Variants in TMEM117 observed in about 807,000 individuals in gnomAD.
TMEM117 encodes the protein transmembrane protein 117.
Under a neutral mutation model 52.4 loss-of-function variants are expected in TMEM117, and 27 were observed. That is an observed-to-expected ratio of 0.51 (90% CI 0.38 to 0.71). TMEM117 has a LOEUF of 0.71. Ranked by LOEUF, TMEM117 falls within the 30% of genes least tolerant of loss-of-function variation. TMEM117 has a pLI of 0.00. For missense variants in TMEM117, 556 were observed against 630.5 expected (o/e 0.88, Z 1.26); for synonymous variants, 215 against 206.3 (o/e 1.04, Z -0.36).
At chr12:44,297,315 G>A (rs967089214) in intron 5 of TMEM117, among the ~76,000 whole-genome samples, 1 of 152,062 alleles carries the variant, frequency 6.6e-6, no homozygotes, top group Non-Finnish European at 1.5e-5. Context: ...TACTAAAGGG[G>A]GTTCCAGGTG....
At chr12:44,156,820 C>T (rs1478637162) in intron 4 of TMEM117, among the ~76,000 whole-genome samples, 2 of 152,018 alleles carry the variant, frequency 1.3e-5, no homozygotes, top group African/African-American at 4.8e-5. Flanking sequence ...ACCCCAAGGG[C>T]CTGTACATTG....
chr12:44,334,710 G>A (rs971023063), intron 6 of TMEM117, among the ~76,000 whole-genome samples: 11 of 151,934 alleles, frequency 7.2e-5, no homozygotes, highest in South Asian at 2.1e-4. Flanking sequence ...GATGTAGGAC[G>A]GAATCCTCCA....
intron 2 of TMEM117, among the ~76,000 whole-genome samples, chr12:43,940,386 G>T (rs186135046): frequency 2.0e-5 from 3 of 152,252 alleles, no homozygotes; most frequent in Non-Finnish European, 4.4e-5. Flanking sequence ...AATTTAAAAA[G>T]TCTAGCAGTG....
intron 4 of TMEM117, among the ~76,000 whole-genome samples, chr12:44,157,082 C>G (rs1291502129): frequency 6.6e-6 from 1 of 152,108 alleles, no homozygotes; most frequent in Non-Finnish European, 1.5e-5. Flanking sequence ...CACTGCCAGC[C>G]CACCGCTTTC....
chr12:44,299,509 A>T, intron 5 of TMEM117, 71 bp from the exon 6 acceptor site: 1 of 1,552,512 alleles, frequency 6.4e-7, no homozygotes, highest in Admixed American at 1.8e-5. Flanking sequence ...AATACAACAC[A>T]GATAACATGC....
intron 2 of TMEM117, among the ~76,000 whole-genome samples, chr12:43,901,319 T>G (rs1036567788): frequency 6.6e-6 from 1 of 152,152 alleles, no homozygotes; most frequent in African/African-American, 2.4e-5. Flanking sequence ...TTTTGGTTTT[T>G]TTTGTTTTTG....
rs571895411 is a variant in TMEM117 at position 44,383,100 on chromosome 12, C to T, written c.899-4926C>T. 2.3e-3 allele frequency among the ~76,000 whole-genome samples: 354 copies of T among 152,290 alleles called. 4 individuals carry two copies. The South Asian group carries it at 0.036, about 15-fold the overall frequency. ...GCTGAATGACTTTGGGGAGCGTAAC[C>T]ACATCCATACACCTGCACTAGATGT... On this transcript the variant is annotated intron_variant, in intron 7 of 7. Coordinates refer to ENST00000266534, the MANE Select transcript of TMEM117 (RefSeq NM_032256.3).
At chr12:43,998,241 C>A (rs149231865) in intron 3 of TMEM117, among the ~76,000 whole-genome samples, 2 of 152,244 alleles carry the variant, frequency 1.3e-5, no homozygotes, top group South Asian at 4.1e-4. Flanking sequence ...CAAAATCATC[C>A]AGACATTGGT....
chr12:44,050,015 C>T (rs1468775694), intron 3 of TMEM117, among the ~76,000 whole-genome samples: 3 of 152,100 alleles, frequency 2.0e-5, no homozygotes, highest in Non-Finnish European at 4.4e-5. Flanking sequence ...GATCAAGGGA[C>T]AGATAAGGCA....
chr12:43,853,127 C>T (rs1218734460), intron 2 of TMEM117, among the ~76,000 whole-genome samples: 2 of 152,194 alleles, frequency 1.3e-5, no homozygotes, highest in Admixed American at 6.5e-5. Context: ...CCCAGCTATA[C>T]CCGAAACTCT....
chr12:44,239,499 G>T (rs777669919), intron 5 of TMEM117, among the ~76,000 whole-genome samples: 1 of 152,078 alleles, frequency 6.6e-6, no homozygotes, highest in East Asian at 1.9e-4. Flanking sequence ...TGTTATTTTT[G>T]TATGCCTTTC....
chr12:44,101,816 T>C (rs1947865905), intron 3 of TMEM117, among the ~76,000 whole-genome samples: 1 of 152,058 alleles, frequency 6.6e-6, no homozygotes, highest in African/African-American at 2.4e-5. Context: ...CTCCTTTCTC[T>C]GTCTAGCAAT....
intron 5 of TMEM117, among the ~76,000 whole-genome samples, chr12:44,297,387 C>T (rs1950782142): frequency 6.6e-6 from 1 of 152,164 alleles, no homozygotes; most frequent in African/African-American, 2.4e-5. Context: ...AGAATAGACA[C>T]TGGCTATAGA....
At chr12:44,294,551 G>C (rs1371439142) in intron 5 of TMEM117, among the ~76,000 whole-genome samples, 1 of 152,126 alleles carries the variant, frequency 6.6e-6, no homozygotes, top group Non-Finnish European at 1.5e-5. Flanking sequence ...GGGAAACTCA[G>C]CATACCATTT....
chr12:43,805,800 T>C, the TMEM117 span: 1 of 1,361,982 alleles, frequency 7.3e-7, no homozygotes, highest in African/African-American at 1.5e-5. Flanking sequence ...CCTGTAATAT[T>C]CTCCTTTGGA....
intron 1 of TMEM117, among the ~76,000 whole-genome samples, chr12:43,840,314 T>G (rs890803254): frequency 6.6e-6 from 1 of 152,218 alleles, no homozygotes; most frequent in African/African-American, 2.4e-5. Flanking sequence ...TTCATTGGGT[T>G]GCTATGAAAT....
intron 5 of TMEM117, among the ~76,000 whole-genome samples, chr12:44,288,641 A>G (rs1395895073): frequency 6.6e-6 from 1 of 152,194 alleles, no homozygotes; most frequent in Non-Finnish European, 1.5e-5. Flanking sequence ...TTATCAAATT[A>G]TAAAAAAGTT....
chr12:44,374,680 A>G (rs1447102697), intron 6 of TMEM117, among the ~76,000 whole-genome samples: 1 of 150,676 alleles, frequency 6.6e-6, no homozygotes, highest in African/African-American at 2.4e-5. Flanking sequence ...GATTTTTATC[A>G]TAGTCTACAA....
At chr12:43,885,702 G>A (rs544198683) in intron 2 of TMEM117, among the ~76,000 whole-genome samples, 29 of 151,858 alleles carry the variant, frequency 1.9e-4, no homozygotes, top group African/African-American at 6.5e-4. Flanking sequence ...TAACCTTAGC[G>A]TGTGAGACAA....
Sources: gnomAD v4.1 joint callset for allele counts (sites outside exome capture counted in the v4.1 genomes callset) on GRCh38, gnomAD v4.1.1 for gene constraint, MANE v1.5 for transcripts, NCBI Gene and HGNC (gene_info 2026-07-23, HGNC 2026-07-21) for gene names.